AUH: variants seen among roughly 807,000 people sequenced by gnomAD.
AUH encodes methylglutaconyl-CoA hydratase, mitochondrial.
In AUH, 29 loss-of-function variants were observed where a neutral mutation model predicts 42.3. The observed-to-expected ratio is 0.69, with a 90% CI of 0.51 to 0.93. AUH has a LOEUF of 0.93. AUH is among the 40% of genes least tolerant of loss of function. The probability of loss-of-function intolerance (pLI) is 0.00; values close to 1 mark genes in which losing one functional copy is unlikely to be tolerated. For missense variants in AUH, 452 were observed against 438.1 expected (o/e 1.03, Z -0.28); for synonymous variants, 174 against 166.4 (o/e 1.05, Z -0.35).
chr9:91,297,054 G>A (rs912182329), intron 5 of AUH, among the ~76,000 whole-genome samples: 5 of 152,198 alleles, frequency 3.3e-5, no homozygotes, highest in South Asian at 2.1e-4. Flanking sequence ...CTCAGAGCCC[G>A]AGGACACAGG....
chr9:91,246,698 A>T (rs1828814083), intron 6 of AUH, among the ~76,000 whole-genome samples: 1 of 152,282 alleles, frequency 6.6e-6, no homozygotes, highest in African/African-American at 2.4e-5. Context: ...ACTTGTTTAA[A>T]GGTGGTATAT....
intron 6 of AUH, among the ~76,000 whole-genome samples, chr9:91,273,991 G>T: frequency 6.6e-6 from 1 of 152,128 alleles, no homozygotes; most frequent in Non-Finnish European, 1.5e-5. Flanking sequence ...TTGAGTCTAA[G>T]GATTAAAAAT....
At chr9:91,290,129 A>G (rs1826740199) in intron 6 of AUH, among the ~76,000 whole-genome samples, 1 of 152,234 alleles carries the variant, frequency 6.6e-6, no homozygotes, top group Non-Finnish European at 1.5e-5. Flanking sequence ...ACTTAGGACA[A>G]AAGAGGTCAG....
At chr9:91,306,392 TA>T (rs1341893825) in intron 4 of AUH, 1 of 985,130 alleles carries the variant, frequency 1.0e-6, no homozygotes, top group African/African-American at 1.7e-5. Flanking sequence ...TCTTGGCATT[TA>T]AAATGCTGCT....
At chr9:91,249,000 A>C (rs1479350796) in intron 6 of AUH, among the ~76,000 whole-genome samples, 2 of 152,122 alleles carry the variant, frequency 1.3e-5, no homozygotes, top group African/African-American at 4.8e-5. Context: ...ATGAGTAAAG[A>C]ATACAACATT....
intron 1 of AUH, among the ~76,000 whole-genome samples, chr9:91,358,224 G>A (rs896441222): frequency 1.2e-4 from 19 of 152,232 alleles, no homozygotes; most frequent in African/African-American, 4.6e-4. Context: ...GATGAAAGAT[G>A]ACATTTAATG....
chr9:91,223,236 A>C (rs974325271), intron 6 of AUH, among the ~76,000 whole-genome samples: 3 of 152,166 alleles, frequency 2.0e-5, no homozygotes, highest in Non-Finnish European at 4.4e-5. Context: ...TGGCTCACCC[A>C]CTAACACTGC....
At position 91,360,673 on chromosome 9, in the gene AUH, C is replaced by G. The variant is rs117500245; in HGVS notation, c.262+955G>C. Among the ~76,000 whole-genome samples the G allele has an allele frequency of 5.1e-3, 775 of 152,328 alleles. 3 individuals carry two copies. The highest frequency in any genetic ancestry group is 7.4e-3 in the Non-Finnish European group (500 of 68,022). On this transcript the variant is annotated intron_variant, in intron 1 of 9. Transcript: ENST00000375731. ...ACCCCTTTCAAATGGCGAAACCCTG[C>G]AGGTATTACAGCCCTTTCCTCTTAC... is the stretch of plus-strand genomic sequence containing the variant.
intron 6 of AUH, among the ~76,000 whole-genome samples, chr9:91,234,814 A>C (rs1471561155): frequency 1.3e-5 from 2 of 148,876 alleles, no homozygotes; most frequent in African/African-American, 5.0e-5. Context: ...TTACACAGAG[A>C]ATTTCAGGCA....
rs978621566 is a variant in AUH at position 91,255,687 on chromosome 9, T to C, written c.656-34695A>G. 2.0e-5 allele frequency among the ~76,000 whole-genome samples: 3 copies of C among 152,208 alleles called. No homozygotes were observed. In the East Asian group the frequency reaches 5.8e-4, roughly 29 times the overall value. On this transcript the variant is annotated intron_variant, in intron 6 of 9. Transcript: ENST00000375731. ...GATTAAATATGCCTGGGCATATATA[T>C]CTATTTTTTCATATAAAAGCTATTT...
intron 5 of AUH, among the ~76,000 whole-genome samples, chr9:91,297,591 C>T (rs1827448631): frequency 2.0e-5 from 3 of 151,540 alleles, no homozygotes; most frequent in Admixed American, 6.6e-5. Flanking sequence ...TTTTTCTTTC[C>T]TTTTTAATTT....
intron 3 of AUH, among the ~76,000 whole-genome samples, chr9:91,336,731 A>C (rs1308902280): frequency 6.6e-6 from 1 of 152,054 alleles, no homozygotes; most frequent in Non-Finnish European, 1.5e-5. Flanking sequence ...CCTGGATTGC[A>C]CAGGTTTATA....
At chr9:91,226,980 T>G (rs1185548360) in intron 6 of AUH, among the ~76,000 whole-genome samples, 1 of 150,284 alleles carries the variant, frequency 6.7e-6, no homozygotes, top group Non-Finnish European at 1.5e-5. Flanking sequence ...TGAAGTCAGG[T>G]AGTGTGATGC....
At chr9:91,239,043 T>C (rs915930243) in intron 6 of AUH, among the ~76,000 whole-genome samples, 3 of 152,244 alleles carry the variant, frequency 2.0e-5, no homozygotes, top group Non-Finnish European at 4.4e-5. Flanking sequence ...AGCTTTGACA[T>C]TTCACATTCA....
At chr9:91,297,285 C>T (rs984435578) in intron 5 of AUH, among the ~76,000 whole-genome samples, 1 of 152,178 alleles carries the variant, frequency 6.6e-6, no homozygotes, top group Non-Finnish European at 1.5e-5. Context: ...TGAGTGAATA[C>T]ATGTCAAGTG....
chr9:91,245,096 G>A (rs1323213181), intron 6 of AUH, among the ~76,000 whole-genome samples: 1 of 152,148 alleles, frequency 6.6e-6, no homozygotes, highest in African/African-American at 2.4e-5. Flanking sequence ...GATGAGAGGT[G>A]GGGAGGAAAA....
chr9:91,359,021 G>GTT (rs1832651497), intron 1 of AUH, among the ~76,000 whole-genome samples: 1 of 152,020 alleles, frequency 6.6e-6, no homozygotes, highest in South Asian at 2.1e-4. Flanking sequence ...AACCTAGAAA[G>GTT]TTTACCAAAC....
chr9:91,250,797 C>T (rs907137805), intron 6 of AUH, among the ~76,000 whole-genome samples: 2 of 152,212 alleles, frequency 1.3e-5, no homozygotes, highest in Non-Finnish European at 2.9e-5. Flanking sequence ...GGCAGAGAGT[C>T]GCCCTCAAGA....
At chr9:91,260,644 A>T (rs1829661117) in intron 6 of AUH, among the ~76,000 whole-genome samples, 1 of 152,196 alleles carries the variant, frequency 6.6e-6, no homozygotes, top group Admixed American at 6.5e-5. Context: ...TGTACAATAG[A>T]AGTCTTGCAG....
Sources: gnomAD v4.1 joint callset for allele counts (sites outside exome capture counted in the v4.1 genomes callset) on GRCh38, gnomAD v4.1.1 for gene constraint, MANE v1.5 for transcripts, NCBI Gene and HGNC (gene_info 2026-07-23, HGNC 2026-07-21) for gene names.